The following CRACR2A variants were observed in gnomAD, a reference collection of about 807,000 sequenced individuals.
CRACR2A encodes the protein calcium release activated channel regulator 2A, also known as EF-hand calcium-binding domain-containing protein 4B.
CRACR2A carries 79 observed loss-of-function variants against 90.5 expected under a neutral mutation model. That is an observed-to-expected ratio of 0.87 (90% CI 0.73 to 1.05). The LOEUF (loss-of-function observed/expected upper bound fraction) is 1.05. Among genes scored for constraint, CRACR2A ranks in the 50% least tolerant of loss-of-function variants. The pLI, the probability that CRACR2A is intolerant of heterozygous loss-of-function variation, is 0.00. For synonymous variants in CRACR2A, 338 were observed against 356.7 expected, an observed-to-expected ratio of 0.95 and a Z score of 0.59; for missense variants, 823 against 897.2, an observed-to-expected ratio of 0.92 and a Z score of 1.06.
At chr12:3,617,118 C>G in intron 18 of CRACR2A, 88 bp from the exon 19 acceptor site, 3 of 940,336 alleles carry the variant, frequency 3.2e-6, no homozygotes, top group South Asian at 2.9e-5. Flanking sequence ...GTGCATCTAC[C>G]TACAGCCTTC....
At chr12:3,722,275 T>C (rs1946193773) in intron 2 of CRACR2A, among the ~76,000 whole-genome samples, 1 of 152,230 alleles carries the variant, frequency 6.6e-6, no homozygotes, top group Admixed American at 6.5e-5. Context: ...TGACATATTT[T>C]AGGGAGTTCA....
chr12:3,660,698 CTT>C (rs1030027518), intron 7 of CRACR2A, among the ~76,000 whole-genome samples: 1 of 151,934 alleles, frequency 6.6e-6, no homozygotes, highest in Non-Finnish European at 1.5e-5. Context: ...ATTTTCATAC[CTT>C]TTTTGCTGAC....
rs1329266922 is a variant in CRACR2A, at chr12:3,753,060, G to A, written c.-432C>T. 6.6e-6 allele frequency: 1 copy of A among 152,482 alleles called. No individual in the cohort carries two copies. Among genetic ancestry groups the A allele is most frequent in the South Asian group, 2.1e-4 (1 of 4,828 alleles). 9.4% of individuals were successfully genotyped at this position (152,482 alleles called of 1,614,324 possible). A position where few individuals can be genotyped will look rare whatever the true frequency, so the allele number is the denominator to read the frequency against. ...GTGGACCTGCCCGCGCCGCCCGCTC[G>A]GCTCTCAGCTGTCAAGCAGCCGCCT... On this transcript the variant is annotated 5_prime_UTR_variant, in exon 1 of 20. Transcript: ENST00000440314.
chr12:3,621,381 AAGGGC>A (rs1944128518), intron 17 of CRACR2A, among the ~76,000 whole-genome samples: 1 of 151,286 alleles, frequency 6.6e-6, no homozygotes, highest in Non-Finnish European at 1.5e-5. Flanking sequence ...TGGGAAAAGA[AAGGGC>A]AGGTTTCTTC....
At chr12:3,653,386 G>A (rs1944836777) in intron 10 of CRACR2A, among the ~76,000 whole-genome samples, 1 of 152,212 alleles carries the variant, frequency 6.6e-6, no homozygotes, top group Non-Finnish European at 1.5e-5. Flanking sequence ...TTTGCCAAAT[G>A]AATAAGTCAT....
chr12:3,716,410 T>C (rs1057507205), intron 2 of CRACR2A, among the ~76,000 whole-genome samples: 1 of 152,256 alleles, frequency 6.6e-6, no homozygotes, highest in Non-Finnish European at 1.5e-5. Flanking sequence ...GCAGCTGATC[T>C]GGGCACAAGG....
At chr12:3,670,816 GT>G (rs1374844964) in intron 7 of CRACR2A, among the ~76,000 whole-genome samples, 1 of 152,130 alleles carries the variant, frequency 6.6e-6, no homozygotes, top group African/African-American at 2.4e-5. Context: ...CAGTTCTCTG[GT>G]TCTGCATCCA....
intron 7 of CRACR2A, among the ~76,000 whole-genome samples, chr12:3,664,677 T>G (rs1346933523): frequency 6.6e-6 from 1 of 152,202 alleles, no homozygotes; most frequent in Non-Finnish European, 1.5e-5. Flanking sequence ...CATGTAGGCA[T>G]AGCTATTCAA....
intron 7 of CRACR2A, among the ~76,000 whole-genome samples, chr12:3,672,476 C>T (rs1430667806): frequency 1.3e-5 from 2 of 152,202 alleles, no homozygotes; most frequent in Non-Finnish European, 2.9e-5. Flanking sequence ...GATTTCATGG[C>T]AGAAGCATGG....
intron 17 of CRACR2A, among the ~76,000 whole-genome samples, chr12:3,621,681 A>AC (rs1944142505): frequency 3.7e-5 from 5 of 136,572 alleles, no homozygotes; most frequent in African/African-American, 1.1e-4. Context: ...AAAAAAAAAA[A>AC]CCAAAGCAAT....
chr12:3,638,056 T>C (rs986366977), intron 14 of CRACR2A, 68 bp downstream of exon 14: 2 of 1,442,806 alleles, frequency 1.4e-6, no homozygotes, highest in Middle Eastern at 2.5e-4. Flanking sequence ...CTCCGGGCGC[T>C]TGGCCTCAAA....
intron 7 of CRACR2A, among the ~76,000 whole-genome samples, chr12:3,666,550 G>A (rs77779340): frequency 0.019 from 2,909 of 152,288 alleles, 87 homozygotes; most frequent in African/African-American, 0.066. Flanking sequence ...GGAACTACAA[G>A]GTGAGATGTA....
At chr12:3,721,379 A>AAG (rs941206606) in intron 2 of CRACR2A, among the ~76,000 whole-genome samples, 2 of 147,406 alleles carry the variant, frequency 1.4e-5, no homozygotes, top group Non-Finnish European at 3.1e-5. Flanking sequence ...ACAAAAAAAA[A>AAG]AAAGAAAGAA....
Position 3,627,620 on chromosome 12 carries a change from C to T in CRACR2A, c.1817+5G>A. The T allele has an allele frequency of 1.9e-6, 3 of 1,551,730 alleles. No individual in the cohort carries two copies. The highest frequency in any genetic ancestry group is 2.6e-6 in the Non-Finnish European group (3 of 1,147,000). ...TGGAGCCCAGAACTTCGGGCAGCTC[C>T]TCACCTCTCCTGCCCAGCCGTGTCC... is the stretch of plus-strand genomic sequence containing the variant. On this transcript the variant is annotated splice_donor_5th_base_variant and intron_variant, in intron 16 of 19. Coordinates refer to ENST00000440314, the MANE Select transcript of CRACR2A (RefSeq NM_001144958.2).
At chr12:3,742,636 T>C (rs977943049) in intron 1 of CRACR2A, among the ~76,000 whole-genome samples, 1 of 152,218 alleles carries the variant, frequency 6.6e-6, no homozygotes, top group Non-Finnish European at 1.5e-5. Flanking sequence ...GTAGGCACAT[T>C]CTACAGCCTG....
chr12:3,699,963 G>A (rs1394166570), intron 3 of CRACR2A, among the ~76,000 whole-genome samples: 1 of 152,118 alleles, frequency 6.6e-6, no homozygotes, highest in Non-Finnish European at 1.5e-5. Flanking sequence ...TAGTATCAGA[G>A]GCTGGATTTA....
intron 4 of CRACR2A, among the ~76,000 whole-genome samples, chr12:3,694,694 C>G (rs1945708462): frequency 6.6e-6 from 1 of 152,182 alleles, no homozygotes; most frequent in South Asian, 2.1e-4. Context: ...TCTCCCCCAG[C>G]CCATCTTCCT....
At chr12:3,739,801 G>C (rs147628382) in intron 1 of CRACR2A, among the ~76,000 whole-genome samples, 2 of 152,128 alleles carry the variant, frequency 1.3e-5, no homozygotes, top group East Asian at 3.9e-4. Flanking sequence ...GGACATGGTG[G>C]TGCGTACCTG....
intron 3 of CRACR2A, among the ~76,000 whole-genome samples, chr12:3,700,136 C>G (rs535513084): frequency 6.6e-6 from 1 of 152,304 alleles, no homozygotes; most frequent in East Asian, 1.9e-4. Flanking sequence ...AAGACATCTA[C>G]TCTCAGGAGC....
Sources: gnomAD v4.1 joint callset for allele counts (sites outside exome capture counted in the v4.1 genomes callset) on GRCh38, gnomAD v4.1.1 for gene constraint, MANE v1.5 for transcripts, NCBI Gene and HGNC (gene_info 2026-07-23, HGNC 2026-07-21) for gene names.